Variants in ATP11C observed in about 807,000 individuals in gnomAD.
ATP11C encodes phospholipid-transporting ATPase IG.
Under a neutral mutation model 97.4 loss-of-function variants are expected in ATP11C, and 36 were observed. That is an observed-to-expected ratio of 0.37 (90% confidence interval 0.28 to 0.49). The LOEUF is 0.49. Among genes scored for constraint, ATP11C ranks in the 20% least tolerant of loss-of-function variants. The pLI is 0.98. For synonymous variants in ATP11C, 275 were observed against 290.9 expected, an observed-to-expected ratio of 0.95 and a Z score of 0.56; for missense variants, 730 against 824.6, an observed-to-expected ratio of 0.89 and a Z score of 1.40.
chrX:139,754,759 T>C (rs1178895453), intron 23 of ATP11C, among the ~76,000 whole-genome samples: 2 of 112,144 alleles, frequency 1.8e-5, no homozygotes, highest in Non-Finnish European at 3.8e-5. Flanking sequence ...CACATGATCA[T>C]CTCAATAGAT....
At chrX:139,749,841 C>T (rs1357356349) in intron 24 of ATP11C, among the ~76,000 whole-genome samples, 184 bp downstream of exon 24, 1 of 111,656 alleles carries the variant, frequency 9.0e-6, no homozygotes, top group East Asian at 2.8e-4. Flanking sequence ...GTACAGAACC[C>T]ACACCTAGGA....
intron 5 of ATP11C, among the ~76,000 whole-genome samples, chrX:139,810,708 CTCATTTTTACCCAAGGAGCT>C (rs2083152375): frequency 9.0e-6 from 1 of 111,321 alleles, no homozygotes; most frequent in African/African-American, 3.3e-5. Context: ...AACCTAACAC[CTCATTTTTACCCAAGGAGCT>C]TCTTTACCTC....
chrX:139,807,417 C>A (rs186867008), intron 5 of ATP11C, among the ~76,000 whole-genome samples: 1,211 of 111,484 alleles, frequency 0.011, 18 homozygotes, highest in African/African-American at 0.037. Flanking sequence ...ATTGACTCAA[C>A]CGCCAACACT....
In ATP11C at chrX:139,762,097, C is replaced by T; in HGVS notation, c.2504G>A (p.Gly835Asp). The T allele has an allele frequency of 8.3e-7, 1 of 1,198,321 alleles. No individual in the cohort carries two copies. Among genetic ancestry groups the T allele is most frequent in the Non-Finnish European group, 1.1e-6 (1 of 887,135 alleles). The change falls in exon 22 of 30, where the codon GGC becomes GAC. Residue 835 changes from glycine (G) to aspartate (D), a missense_variant. Coordinates refer to ENST00000682941, the MANE Select transcript of ATP11C (RefSeq NM_001353812.2). ...LESHVGIGIK[G>D]KEGRQAARNS... ...CCTAGCTGCTTGGCGACCTTCTTTGCCTTTAATACCTAAAAGAGAGTATCT... is the reference window on the plus strand; with the variant it reads ...CCTAGCTGCTTGGCGACCTTCTTTGTCTTTAATACCTAAAAGAGAGTATCT...
chrX:139,762,807 G>A (rs2082063353), intron 21 of ATP11C, among the ~76,000 whole-genome samples: 2 of 111,074 alleles, frequency 1.8e-5, no homozygotes, highest in Non-Finnish European at 3.8e-5. Context: ...AAAAAAAATG[G>A]TACAGGTGGT....
intron 2 of ATP11C, among the ~76,000 whole-genome samples, chrX:139,821,495 T>C (rs2083408446): frequency 8.9e-6 from 1 of 112,571 alleles, no homozygotes; most frequent in South Asian, 3.6e-4. Context: ...GTTACCCTTC[T>C]GTTCCCAAAT....
intron 1 of ATP11C, among the ~76,000 whole-genome samples, chrX:139,885,993 A>G (rs964221766): frequency 2.7e-5 from 3 of 111,113 alleles, no homozygotes; most frequent in Admixed American, 9.6e-5. Context: ...CACTCTTAAC[A>G]CTCCTACTCA....
chrX:139,904,845 G>A (rs2084951033), intron 1 of ATP11C, among the ~76,000 whole-genome samples: 1 of 111,919 alleles, frequency 8.9e-6, no homozygotes, highest in Non-Finnish European at 1.9e-5. Flanking sequence ...CCTCAGAGAA[G>A]GCCAGAGATA....
intron 1 of ATP11C, among the ~76,000 whole-genome samples, chrX:139,841,133 T>G (rs762537717): frequency 8.9e-6 from 1 of 112,809 alleles, no homozygotes; most frequent in African/African-American, 3.2e-5. Flanking sequence ...ATCTCAATGA[T>G]TAACAGATAT....
chrX:139,802,123 A>T (rs1422036167), intron 7 of ATP11C, 113 bp downstream of exon 7: 3 of 545,877 alleles, frequency 5.5e-6, no homozygotes, highest in Non-Finnish European at 9.4e-6. Flanking sequence ...AATCGCCCAT[A>T]AAAACACAAA....
intron 1 of ATP11C, among the ~76,000 whole-genome samples, chrX:139,882,465 C>T (rs1207540767): frequency 9.0e-6 from 1 of 111,641 alleles, no homozygotes; most frequent in Non-Finnish European, 1.9e-5. Context: ...TACTAAGTCA[C>T]ACCTCCAAAG....
chrX:139,815,215 T>A (rs1004974928), intron 4 of ATP11C, among the ~76,000 whole-genome samples: 1 of 112,284 alleles, frequency 8.9e-6, no homozygotes, highest in Non-Finnish European at 1.9e-5. Flanking sequence ...TCTCCACTCT[T>A]TAAACATTAA....
intron 1 of ATP11C, among the ~76,000 whole-genome samples, chrX:139,921,210 G>C (rs1443650870): frequency 1.8e-5 from 2 of 111,361 alleles, no homozygotes; most frequent in Non-Finnish European, 3.8e-5. Flanking sequence ...AGGGTGATAT[G>C]TGTCCCCACC....
At chrX:139,880,661 G>C (rs1321755282) in intron 1 of ATP11C, among the ~76,000 whole-genome samples, 2 of 111,515 alleles carry the variant, frequency 1.8e-5, no homozygotes, top group African/African-American at 6.5e-5. Context: ...AGAGCTATTG[G>C]GTCAGATTCC....
At chrX:139,766,141 C>T (rs939910083) in intron 20 of ATP11C, among the ~76,000 whole-genome samples, 2 of 111,757 alleles carry the variant, frequency 1.8e-5, no homozygotes, top group African/African-American at 6.5e-5. Context: ...AAGTAGATCA[C>T]CAAATATTTG....
chrX:139,904,507 G>A lies in ATP11C; in HGVS notation c.27+27509C>T, dbSNP rs1278796263. On this transcript the variant is annotated intron_variant, in intron 1 of 29. Coordinates refer to ENST00000682941, the MANE Select transcript of ATP11C (RefSeq NM_001353812.2). ...CACACCACTGCACTCCAGACTGGGC[G>A]ACAAGAGCGAAACTCCATCTCGAAA... Among the ~76,000 whole-genome samples, 10 of 111,520 alleles carry A rather than the reference G, an allele frequency of 9.0e-5. 1 individual carries two copies. The highest frequency in any genetic ancestry group is 1.9e-4 in the Admixed American group (2 of 10,412).
At chrX:139,906,555 G>A (rs747453693) in intron 1 of ATP11C, among the ~76,000 whole-genome samples, 28 of 110,629 alleles carry the variant, frequency 2.5e-4, no homozygotes, top group Admixed American at 4.8e-4. Flanking sequence ...AAGCCAAGGC[G>A]GGTAGATCAC....
intron 1 of ATP11C, among the ~76,000 whole-genome samples, chrX:139,879,391 A>T (rs1438325810): frequency 1.8e-5 from 2 of 111,257 alleles, no homozygotes; most frequent in African/African-American, 6.5e-5. Context: ...ATGAACCTAG[A>T]GGACAGTTAT....
intron 1 of ATP11C, among the ~76,000 whole-genome samples, chrX:139,920,629 T>C (rs1290462927): frequency 8.9e-6 from 1 of 112,002 alleles, no homozygotes; most frequent in Non-Finnish European, 1.9e-5. Context: ...ATAGGAAATT[T>C]AAATCCACTT....
Sources: gnomAD v4.1 joint callset for allele counts (sites outside exome capture counted in the v4.1 genomes callset) on GRCh38, gnomAD v4.1.1 for gene constraint, MANE v1.5 for transcripts, NCBI Gene and HGNC (gene_info 2026-07-23, HGNC 2026-07-21) for gene names.